Variants in EREG observed in about 807,000 individuals in gnomAD.
EREG encodes proepiregulin.
A neutral mutation model predicts 22.4 loss-of-function variants in EREG; 23 were observed. The observed-to-expected ratio is 1.03, with a 90% CI of 0.74 to 1.46. EREG has a LOEUF of 1.46. Among genes scored for constraint, EREG ranks in the 40% most tolerant of loss-of-function variants. The pLI is 0.00. For synonymous variants in EREG, 100 were observed against 75.4 expected (o/e 1.33, Z -1.69); for missense variants, 226 against 205.9 (o/e 1.10, Z -0.60).
intron 3 of EREG, among the ~76,000 whole-genome samples, chr4:74,382,165 C>T (rs1197718002): frequency 6.6e-6 from 1 of 151,580 alleles, no homozygotes; most frequent in Non-Finnish European, 1.5e-5. Flanking sequence ...ATTAGCGAGG[C>T]GTGGTGGCGC....
intron 1 of EREG, among the ~76,000 whole-genome samples, chr4:74,374,666 C>T (rs1403720236): frequency 1.3e-5 from 2 of 152,224 alleles, no homozygotes; most frequent in Non-Finnish European, 2.9e-5. Context: ...GGGCCCACGA[C>T]ATTTACTGCT....
Position 74,381,050 on chromosome 4 carries a change from C to A in EREG, c.191C>A (p.Ser64Ter). 6.2e-7 allele frequency: 1 copy of A among 1,613,642 alleles called. No individual in the cohort carries two copies. The highest frequency in any genetic ancestry group is 8.5e-7 in the Non-Finnish European group (1 of 1,179,754). ...GACAATCCACGTGTGGCTCAAGTGT[C>A]AATAACAAAGTGTAGCTCTGACATG... Reference protein sequence around the residue: ...TEDNPRVAQVSITKCSSDMNG... With the variant: ...TEDNPRVAQV The change falls in exon 3 of 5, where the codon TCA (serine) becomes TAA (stop). Residue 64 changes from serine (S) to a stop codon, truncating the protein, a stop_gained. Transcript: ENST00000244869. LOFTEE classifies it high-confidence loss of function.
rs1752616475 is a variant in EREG, at chr4:74,388,646, G to T, written c.*3838G>T. ...TTGTGTACCTTAAGATATTGAAGGA[G>T]AAAATAGATAATTTACAAGATATTA... On this transcript the variant is annotated 3_prime_UTR_variant, in exon 5 of 5. Transcript: ENST00000244869. 6.6e-6 allele frequency: 1 copy of T among 152,474 alleles called. No homozygotes were observed. The highest frequency in any genetic ancestry group is 2.1e-4 in the South Asian group (1 of 4,824). 9.4% of individuals were successfully genotyped at this position (152,474 alleles called of 1,614,324 possible).
intron 1 of EREG, among the ~76,000 whole-genome samples, chr4:74,369,128 T>G (rs1752248765): frequency 6.6e-6 from 1 of 152,178 alleles, no homozygotes; most frequent in Non-Finnish European, 1.5e-5. Flanking sequence ...TCTTAATATA[T>G]AGGTTTATCC....
At chr4:74,367,584 C>T (rs533691116) in intron 1 of EREG, among the ~76,000 whole-genome samples, 8 of 152,172 alleles carry the variant, frequency 5.3e-5, no homozygotes, top group Admixed American at 1.3e-4. Context: ...ATAATTTAGT[C>T]GTACTTCATC....
At chr4:74,375,624 C>T (rs950215063) in intron 1 of EREG, among the ~76,000 whole-genome samples, 2 of 151,980 alleles carry the variant, frequency 1.3e-5, no homozygotes, top group Admixed American at 6.5e-5. Context: ...CCACCGCGCC[C>T]GGCCTGACCA....
intron 1 of EREG, among the ~76,000 whole-genome samples, chr4:74,378,640 G>T (rs1312011625): frequency 6.6e-6 from 1 of 151,956 alleles, no homozygotes; most frequent in Non-Finnish European, 1.5e-5. Context: ...TGTTTGAAGT[G>T]CAAATACCTA....
intron 4 of EREG, among the ~76,000 whole-genome samples, 157 bp from the exon 5 acceptor site, chr4:74,384,570 C>T (rs1578824041): frequency 7.1e-6 from 1 of 141,356 alleles, no homozygotes. Context: ...CTTCATCCCT[C>T]TTTTTTTTTT....
At position 74,385,464 on chromosome 4, in the gene EREG, G is replaced by T. The variant is rs992206694; in HGVS notation, c.*656G>T. 5.8e-5 allele frequency: 9 copies of T among 155,296 alleles called. No homozygotes were observed. In the Admixed American group the frequency reaches 5.9e-4, roughly 10 times the overall value. The allele number at this position is 155,296 out of a possible 1,614,324, so 9.6% of individuals were successfully genotyped here. On this transcript the variant is annotated 3_prime_UTR_variant, in exon 5 of 5. Transcript: ENST00000244869. ...CAACTCACGACTCCTACAGGTACTA[G>T]TCACTCATCTACCAGATTCTGCCTA...
chr4:74,380,103 G>A (rs1752449490), intron 2 of EREG, among the ~76,000 whole-genome samples: 1 of 152,104 alleles, frequency 6.6e-6, no homozygotes, highest in African/African-American at 2.4e-5. Flanking sequence ...TGGTCCAAGG[G>A]GGATCAGCTT....
chr4:74,369,656 GTGAT>G (rs1752257304), intron 1 of EREG, among the ~76,000 whole-genome samples: 1 of 152,118 alleles, frequency 6.6e-6, no homozygotes, highest in Admixed American at 6.5e-5. Flanking sequence ...AGGCATGAAA[GTGAT>G]TGATACGTGC....
At chr4:74,370,259 T>A (rs1752267865) in intron 1 of EREG, among the ~76,000 whole-genome samples, 1 of 152,170 alleles carries the variant, frequency 6.6e-6, no homozygotes, top group African/African-American at 2.4e-5. Flanking sequence ...ACTGTAAGTG[T>A]GTGTATAACT....
chr4:74,367,383 C>T lies in EREG; in HGVS notation c.67+2008C>T, dbSNP rs138708841. 2.6e-5 allele frequency among the ~76,000 whole-genome samples: 4 copies of T among 152,128 alleles called. No individual in the cohort carries two copies. The East Asian group carries it at 5.8e-4, about 22-fold the overall frequency. On this transcript the variant is annotated intron_variant, in intron 1 of 4. Transcript: ENST00000244869. ...GTAGAAGAGTTGAAATACCGGATAA[C>T]ATTTTTTTAAATAATCTATAATTTT... is the stretch of plus-strand genomic sequence containing the variant.
In EREG at chr4:74,365,303, T is replaced by C. The variant is rs770015977; in HGVS notation, c.-6T>C. On this transcript the variant is annotated 5_prime_UTR_variant, in exon 1 of 5. Transcript: ENST00000244869. The stretch of plus-strand genomic sequence containing the variant: ...CGCCAAGCCCCAGCGCCCGCTCCCA[T>C]CGCCGATGACCGCGGGGAGGAGGAT... The C allele has an allele frequency of 6.2e-7, 1 of 1,602,764 alleles. No individual in the cohort carries two copies. Among genetic ancestry groups the C allele is most frequent in the Non-Finnish European group, 8.5e-7 (1 of 1,179,534 alleles).
At chr4:74,369,262 T>C (rs546764362) in intron 1 of EREG, among the ~76,000 whole-genome samples, 3 of 152,126 alleles carry the variant, frequency 2.0e-5, no homozygotes, top group Non-Finnish European at 4.4e-5. Context: ...TAGTGTACAT[T>C]GTACCTAATG....
intron 3 of EREG, chr4:74,381,502 T>C (rs894091353): frequency 1.3e-5 from 2 of 155,270 alleles, no homozygotes; most frequent in African/African-American, 4.8e-5. Flanking sequence ...ATGCAGTATA[T>C]ATATTATTAG....
intron 3 of EREG, chr4:74,381,988 A>AC (rs2110389191): frequency 7.8e-6 from 1 of 127,582 alleles, no homozygotes; most frequent in East Asian, 2.1e-4. Flanking sequence ...CCGTCTCAAA[A>AC]AAAAAAAAAA....
In EREG at chr4:74,372,970, G is replaced by A. The variant is rs1221967202; in HGVS notation, c.68-6478G>A. ...CCACAGGCGCCCACCACCACATCTGGCTAATTTTTTTTTTTTTTTTTTTTT... is the reference window on the plus strand; with the variant it reads ...CCACAGGCGCCCACCACCACATCTGACTAATTTTTTTTTTTTTTTTTTTTT... On this transcript the variant is annotated intron_variant, in intron 1 of 4. Coordinates refer to ENST00000244869, the MANE Select transcript of EREG (RefSeq NM_001432.3). Among the ~76,000 whole-genome samples the A allele has an allele frequency of 2.3e-5, 3 of 132,524 alleles. No individual in the cohort carries two copies. The Admixed American group carries it at 2.5e-4, about 11-fold the overall frequency. The allele number at this position is 132,524 out of a possible 152,430, so 86.9% of individuals were successfully genotyped here.
chr4:74,367,167 C>A (rs868833346), intron 1 of EREG, among the ~76,000 whole-genome samples: 9 of 152,198 alleles, frequency 5.9e-5, no homozygotes, highest in Non-Finnish European at 1.0e-4. Context: ...TTCCAGCCTC[C>A]ACCCTTAACA....
Sources: allele counts gnomAD v4.1 joint callset (sites outside exome capture counted in the v4.1 genomes callset), GRCh38; gene constraint gnomAD v4.1.1; transcripts MANE v1.5; gene names NCBI Gene and HGNC (gene_info 2026-07-23, HGNC 2026-07-21).